PPP1R13B: variants seen among roughly 807,000 people sequenced by gnomAD.
PPP1R13B encodes apoptosis-stimulating of p53 protein 1.
PPP1R13B carries 44 observed loss-of-function variants against 119.8 expected under a neutral mutation model. That is an observed-to-expected ratio of 0.37 (90% CI 0.29 to 0.47). The LOEUF is 0.47. Among genes scored for constraint, PPP1R13B ranks in the 20% least tolerant of loss-of-function variants. PPP1R13B has a pLI of 0.99. For missense variants in PPP1R13B, 1,227 were observed against 1,413.5 expected, an observed-to-expected ratio of 0.87 and a Z score of 2.12; for synonymous variants, 542 against 561.5, an observed-to-expected ratio of 0.97 and a Z score of 0.49.
At chr14:103,753,280 G>A in intron 6 of PPP1R13B, 84 bp from the exon 7 acceptor site, 3 of 1,331,932 alleles carry the variant, frequency 2.3e-6, no homozygotes, top group African/African-American at 1.5e-5. Context: ...CTTAATTCTA[G>A]TATCATTTAG....
intron 12 of PPP1R13B, 140 bp downstream of exon 12, chr14:103,739,684 G>T: frequency 2.9e-6 from 3 of 1,044,350 alleles, no homozygotes; most frequent in Non-Finnish European, 4.0e-6. Flanking sequence ...GTGACTGTCC[G>T]TCCTCCCTAC....
intron 5 of PPP1R13B, among the ~76,000 whole-genome samples, chr14:103,757,277 C>G (rs2151986324): frequency 6.6e-6 from 1 of 152,062 alleles, no homozygotes; most frequent in East Asian, 1.9e-4. Flanking sequence ...TGGTCCTGAA[C>G]TCCTGGGCTC....
In PPP1R13B at chr14:103,740,449, G is replaced by A; in HGVS notation, c.1967C>T (p.Ala656Val). The part of the protein sequence containing the change: ...EKEPEQDGPA[A>V]PADGSTVESL... ...CTCCACGGTGCTGCCATCTGCGGGG[G>A]CGGCGGGGCCATCCTGCTCAGGCTC... The change falls in exon 12 of 17, where the codon GCC (alanine) becomes GTC (valine). Residue 656 changes from alanine (A) to valine (V), a missense_variant. Physicochemically the swap from Ala to Val is moderately conservative, Grantham distance 64 (BLOSUM62 0). Coordinates refer to ENST00000202556, the MANE Select transcript of PPP1R13B (RefSeq NM_015316.3). This position sits in a 1 kb window ranked among gnomAD's most constrained non-coding sequence, Gnocchi z 4.6. 1 of 1,607,634 alleles carries A rather than the reference G, an allele frequency of 6.2e-7. No homozygotes were observed.
intron 9 of PPP1R13B, among the ~76,000 whole-genome samples, chr14:103,744,803 G>A (rs2084348123): frequency 6.6e-6 from 1 of 152,216 alleles, no homozygotes; most frequent in Non-Finnish European, 1.5e-5. Context: ...CCTCTGGGCT[G>A]AGCTGCTGCC....
At chr14:103,811,211 C>A (rs1406167036) in intron 1 of PPP1R13B, among the ~76,000 whole-genome samples, 2 of 151,586 alleles carry the variant, frequency 1.3e-5, no homozygotes, top group Non-Finnish European at 2.9e-5. Context: ...GAATTTTAAA[C>A]CACAGACTAT....
At chr14:103,773,529 A>G (rs552245425) in intron 4 of PPP1R13B, among the ~76,000 whole-genome samples, 1 of 152,344 alleles carries the variant, frequency 6.6e-6, no homozygotes, top group African/African-American at 2.4e-5. Flanking sequence ...CAAATAATAT[A>G]AAACCACAAA....
intron 1 of PPP1R13B, among the ~76,000 whole-genome samples, chr14:103,815,932 A>G (rs1006124195): frequency 6.6e-6 from 1 of 150,980 alleles, no homozygotes; most frequent in African/African-American, 2.4e-5. Context: ...AAATACGAAA[A>G]CATTAGCCAG....
chr14:103,812,525 T>G (rs2086184277), intron 1 of PPP1R13B, among the ~76,000 whole-genome samples: 1 of 152,046 alleles, frequency 6.6e-6, no homozygotes, highest in African/African-American at 2.4e-5. Context: ...GTTCGAGCGA[T>G]TCTCGTGACT....
rs1451389360 is a variant in PPP1R13B at position 103,792,519 on chromosome 14, T to G, written c.157+4852A>C. 2.6e-5 allele frequency among the ~76,000 whole-genome samples: 4 copies of G among 152,248 alleles called. No individual in the cohort carries two copies. In the East Asian group the frequency reaches 5.8e-4, roughly 22 times the overall value. ...TTCAAGAAAGCTTCGCTATATTTTTTTAAGGAAGTTTAACTGAACATAATT... is the reference window on the plus strand; with the variant it reads ...TTCAAGAAAGCTTCGCTATATTTTTGTAAGGAAGTTTAACTGAACATAATT... On this transcript the variant is annotated intron_variant, in intron 2 of 16. Coordinates refer to ENST00000202556, the MANE Select transcript of PPP1R13B (RefSeq NM_015316.3).
At chr14:103,748,574 T>C (rs2084456513) in intron 8 of PPP1R13B, among the ~76,000 whole-genome samples, 1 of 152,208 alleles carries the variant, frequency 6.6e-6, no homozygotes, top group Non-Finnish European at 1.5e-5. Context: ...GGGTGCTCCA[T>C]TCTCCTACCA....
In PPP1R13B at chr14:103,740,340, C is replaced by T. The variant is rs1235895060; in HGVS notation, c.2076G>A (p.Glu692=). 1 of 1,568,220 alleles carries T rather than the reference C, an allele frequency of 6.4e-7. No homozygotes were observed. Among genetic ancestry groups the T allele is most frequent in the African/African-American group, 1.4e-5 (1 of 73,666 alleles). ...CGTTGGCCAGCTTCCTGCGGAGGGC[C>T]TCCAGGTCTGCATCACTCTGGTAGC... ...PLRYQSDADL[E]ALRRKLANAP... The change falls in exon 12 of 17, where the codon GAG becomes GAA. Residue 692 remains glutamate (E), a synonymous_variant. Transcript: ENST00000202556. The surrounding 1 kb of genome is among the most constrained non-coding windows in gnomAD (Gnocchi z 4.6).
intron 12 of PPP1R13B, chr14:103,739,245 TGG>T: frequency 1.8e-6 from 1 of 558,158 alleles, no homozygotes. Flanking sequence ...CCTGAGTCCC[TGG>T]CTCACGCACA....
chr14:103,741,712 A>G (rs1400899036), intron 11 of PPP1R13B, 78 bp downstream of exon 11: 1 of 1,496,006 alleles, frequency 6.7e-7, no homozygotes, highest in Non-Finnish European at 9.0e-7. Context: ...CCCAAACGTA[A>G]AGAAATACAT....
intron 2 of PPP1R13B, among the ~76,000 whole-genome samples, chr14:103,792,357 T>G (rs2085644325): frequency 6.6e-6 from 1 of 152,116 alleles, no homozygotes; most frequent in South Asian, 2.1e-4. Flanking sequence ...TTTGTATTTT[T>G]TGTAGAGATG....
At chr14:103,826,548 T>C (rs2086546433) in intron 1 of PPP1R13B, among the ~76,000 whole-genome samples, 1 of 152,182 alleles carries the variant, frequency 6.6e-6, no homozygotes, top group African/African-American at 2.4e-5. Flanking sequence ...TATGGTTTTA[T>C]GACAAACTAA....
intron 8 of PPP1R13B, 119 bp downstream of exon 8, chr14:103,749,675 G>C: frequency 9.8e-7 from 1 of 1,022,862 alleles, no homozygotes; most frequent in African/African-American, 1.6e-5. Flanking sequence ...ATGGTTTATG[G>C]CCTATTTATG....
Position 103,738,804 on chromosome 14 carries a change from A to G in PPP1R13B, c.2739T>C (p.Asp913=), listed in dbSNP as rs2084175860. The G allele has an allele frequency of 6.2e-7, 1 of 1,613,994 alleles. No individual in the cohort carries two copies. Among genetic ancestry groups the G allele is most frequent in the Non-Finnish European group, 8.5e-7 (1 of 1,180,008 alleles). Residue 913 remains aspartate (D), a synonymous_variant, in exon 14 of 17, where the codon GAT becomes GAC. Transcript: ENST00000202556. This position sits in a 1 kb window ranked among gnomAD's most constrained non-coding sequence, Gnocchi z 5.6. ...LVQRIIYEVE[D]PSKPNDEGIT... is the part of the protein sequence containing the mutation. ...TCCCTTCGTCGTTGGGCTTGCTGGG[A>G]TCTTCCACCTAGGACACACGGCCTG... is the stretch of plus-strand genomic sequence containing the variant.
intron 1 of PPP1R13B, among the ~76,000 whole-genome samples, chr14:103,834,132 T>C (rs1445643528): frequency 6.6e-6 from 1 of 152,178 alleles, no homozygotes; most frequent in East Asian, 1.9e-4. Context: ...CCCAGCACTT[T>C]GGGAGGCCAA....
At chr14:103,819,489 ATCTG>A (rs945681473) in intron 1 of PPP1R13B, among the ~76,000 whole-genome samples, 8 of 148,414 alleles carry the variant, frequency 5.4e-5, no homozygotes, top group South Asian at 2.1e-4. Context: ...AGAATGAGAA[ATCTG>A]TCTATTAAAA....
Sources: allele counts gnomAD v4.1 joint callset (sites outside exome capture counted in the v4.1 genomes callset), GRCh38; gene constraint gnomAD v4.1.1; non-coding constraint Gnocchi (gnomAD v3.1); transcripts MANE v1.5; gene names NCBI Gene and HGNC (gene_info 2026-07-23, HGNC 2026-07-21).